PPM1H: variants seen among roughly 807,000 people sequenced by gnomAD.
The protein encoded by PPM1H is protein phosphatase, Mg2+/Mn2+ dependent 1H.
A neutral mutation model predicts 54.9 loss-of-function variants in PPM1H; 27 were observed. The observed-to-expected ratio is 0.49, with a 90% CI of 0.36 to 0.68. The LOEUF (loss-of-function observed/expected upper bound fraction) is 0.68, where lower values mean the gene tolerates loss of function less well. Ranked by LOEUF, PPM1H falls within the 30% of genes least tolerant of loss-of-function variation. PPM1H has a pLI of 0.00. For synonymous variants in PPM1H, 305 were observed against 270.8 expected (o/e 1.13, Z -1.24); for missense variants, 596 against 667.8 (o/e 0.89, Z 1.19).
At chr12:62,710,637 G>A (rs575805823) in intron 6 of PPM1H, among the ~76,000 whole-genome samples, 2 of 152,074 alleles carry the variant, frequency 1.3e-5, no homozygotes, top group African/African-American at 4.8e-5. Flanking sequence ...TAGTGATGGT[G>A]TCTCTTCTGA....
intron 8 of PPM1H, among the ~76,000 whole-genome samples, chr12:62,668,227 T>C (rs1432972188): frequency 6.6e-6 from 1 of 152,144 alleles, no homozygotes; most frequent in Non-Finnish European, 1.5e-5. Context: ...AGGGGAGGGA[T>C]AGGGAGGTGT....
chr12:62,855,322 T>C (rs1366700033), intron 1 of PPM1H, among the ~76,000 whole-genome samples: 1 of 152,056 alleles, frequency 6.6e-6, no homozygotes, highest in Non-Finnish European at 1.5e-5. Flanking sequence ...GAAACTGACA[T>C]AGATATCAGA....
intron 1 of PPM1H, among the ~76,000 whole-genome samples, chr12:62,932,025 A>G (rs767910981): frequency 6.4e-4 from 97 of 151,974 alleles, no homozygotes; most frequent in Non-Finnish European, 1.1e-3. Flanking sequence ...ATATCACCCA[A>G]ACATTGAACC....
intron 1 of PPM1H, among the ~76,000 whole-genome samples, chr12:62,881,194 C>T (rs1159666481): frequency 2.0e-5 from 3 of 152,184 alleles, no homozygotes; most frequent in Non-Finnish European, 4.4e-5. Flanking sequence ...GGGTGGGCTA[C>T]AAGGAAGACC....
In PPM1H at chr12:62,648,416, C is replaced by CT; in HGVS notation, c.*72dup. ...CATCACTTGGAACTCAGCTGGGGCA[C>CT]TTCCCAGTTCCGTCCTGCCAAGAGG... is the stretch of plus-strand genomic sequence containing the variant. On this transcript the variant is annotated 3_prime_UTR_variant, in exon 10 of 10. Coordinates refer to ENST00000228705, the MANE Select transcript of PPM1H (RefSeq NM_020700.2). The CT allele has an allele frequency of 6.4e-7, 1 of 1,560,388 alleles. No homozygotes were observed. The highest frequency in any genetic ancestry group is 1.2e-5 in the South Asian group (1 of 84,414).
chr12:62,702,552 G>GAT (rs2076149882), intron 6 of PPM1H, among the ~76,000 whole-genome samples: 1 of 147,782 alleles, frequency 6.8e-6, no homozygotes, highest in African/African-American at 2.6e-5. Context: ...TACAGAGAGA[G>GAT]AGAGAGAGAG....
At chr12:62,765,003 G>A (rs2076533130) in intron 4 of PPM1H, among the ~76,000 whole-genome samples, 1 of 152,216 alleles carries the variant, frequency 6.6e-6, no homozygotes, top group Non-Finnish European at 1.5e-5. Context: ...CAGTCAGAAG[G>A]ACCTTGCAGG....
intron 3 of PPM1H, among the ~76,000 whole-genome samples, chr12:62,794,241 C>G (rs1381551159): frequency 6.6e-6 from 1 of 152,142 alleles, no homozygotes; most frequent in South Asian, 2.1e-4. Flanking sequence ...GAGAACAAAA[C>G]CAACTTAAAT....
intron 1 of PPM1H, among the ~76,000 whole-genome samples, chr12:62,880,160 T>C (rs760422296): frequency 6.6e-6 from 1 of 152,186 alleles, no homozygotes; most frequent in Non-Finnish European, 1.5e-5. Context: ...CATATGCATA[T>C]ACACACACAC....
At chr12:62,876,673 G>A (rs1315789628) in intron 1 of PPM1H, among the ~76,000 whole-genome samples, 1 of 152,180 alleles carries the variant, frequency 6.6e-6, no homozygotes, top group East Asian at 1.9e-4. Flanking sequence ...GAAACCAGCT[G>A]AACAAGGTGA....
intron 3 of PPM1H, 89 bp from the exon 4 acceptor site, chr12:62,788,427 C>A (rs1386481760): frequency 6.3e-6 from 5 of 788,646 alleles, no homozygotes; most frequent in Non-Finnish European, 1.0e-5. Flanking sequence ...TCCCCAGACT[C>A]TGAATGTGCT....
chr12:62,887,125 A>G (rs1870619432), intron 1 of PPM1H, among the ~76,000 whole-genome samples: 1 of 152,206 alleles, frequency 6.6e-6, no homozygotes, highest in African/African-American at 2.4e-5. Flanking sequence ...GGGAGGTGCC[A>G]TGTTTCTCAC....
chr12:62,718,846 C>CA (rs2076249038), intron 6 of PPM1H, among the ~76,000 whole-genome samples: 1 of 152,192 alleles, frequency 6.6e-6, no homozygotes, highest in Admixed American at 6.5e-5. Flanking sequence ...CTCCAGAACT[C>CA]AGAGCTGCAA....
chr12:62,864,818 A>G (rs1214948231), intron 1 of PPM1H, among the ~76,000 whole-genome samples: 3 of 152,196 alleles, frequency 2.0e-5, no homozygotes, highest in Non-Finnish European at 2.9e-5. Context: ...AAGTTCCCTT[A>G]AGCTAAGCCT....
At chr12:62,829,900 A>T (rs1218081687) in intron 2 of PPM1H, among the ~76,000 whole-genome samples, 1 of 152,248 alleles carries the variant, frequency 6.6e-6, no homozygotes, top group Non-Finnish European at 1.5e-5. Flanking sequence ...GGCAGGGGGA[A>T]AATATCAGTG....
At chr12:62,697,737 C>T (rs539621387) in intron 6 of PPM1H, among the ~76,000 whole-genome samples, 3 of 152,160 alleles carry the variant, frequency 2.0e-5, no homozygotes, top group African/African-American at 7.2e-5. Flanking sequence ...TCTTCTACAC[C>T]ACATCCTAAG....
intron 1 of PPM1H, among the ~76,000 whole-genome samples, chr12:62,889,253 G>C (rs1329458208): frequency 6.6e-6 from 1 of 152,084 alleles, no homozygotes; most frequent in East Asian, 1.9e-4. Flanking sequence ...TTATTTTGTG[G>C]ATACTGACAA....
chr12:62,726,349 C>T (rs1022450628), intron 5 of PPM1H, among the ~76,000 whole-genome samples: 14 of 151,962 alleles, frequency 9.2e-5, no homozygotes, highest in African/African-American at 3.4e-4. Context: ...CATGTTTACA[C>T]ATGTACAGTC....
chr12:62,857,615 C>A (rs10784317), intron 1 of PPM1H, among the ~76,000 whole-genome samples: 42,339 of 152,000 alleles, frequency 0.28, 6,152 homozygotes, highest in East Asian at 0.49. Context: ...ACAGATTCAG[C>A]TGTTTTGGGT....
Sources: allele counts gnomAD v4.1 joint callset (sites outside exome capture counted in the v4.1 genomes callset), GRCh38; gene constraint gnomAD v4.1.1; transcripts MANE v1.5; gene names NCBI Gene and HGNC (gene_info 2026-07-23, HGNC 2026-07-21).